AFDN: variants seen among roughly 807,000 people sequenced by gnomAD.
AFDN encodes the protein afadin.
Under a neutral mutation model 216.6 loss-of-function variants are expected in AFDN, and 68 were observed. That is an observed-to-expected ratio of 0.31 (90% confidence interval 0.26 to 0.38). AFDN has a LOEUF of 0.38. Among genes scored for constraint, AFDN ranks in the 10% least tolerant of loss-of-function variants. AFDN has a pLI of 1.00. For synonymous variants in AFDN, 868 were observed against 853.7 expected (o/e 1.02, Z -0.29); for missense variants, 2,136 against 2,342.0 (o/e 0.91, Z 1.82).
chr6:167,921,393 T>G lies in AFDN; in HGVS notation c.2909-1463T>G, dbSNP rs1305108210. Among the ~76,000 whole-genome samples, 18 of 152,268 alleles carry G rather than the reference T, an allele frequency of 1.2e-4. 1 individual carries two copies. The highest frequency in any genetic ancestry group is 1.2e-3 in the Admixed American group (18 of 15,288). ...GATGATCATTGTACACGTAGCTTAGTACACAGATGCCTTTAGAAGACTTAC... is the reference window on the plus strand; with the variant it reads ...GATGATCATTGTACACGTAGCTTAGGACACAGATGCCTTTAGAAGACTTAC... On this transcript the variant is annotated intron_variant, in intron 21 of 33. Coordinates refer to ENST00000683244, the MANE Select transcript of AFDN (RefSeq NM_001386888.1).
At position 167,969,716 on chromosome 6, in the gene AFDN, G is replaced by C. The variant is rs918666946; in HGVS notation, c.5343-66G>C. 5 of 1,470,990 alleles carry C rather than the reference G, an allele frequency of 3.4e-6. No individual in the cohort carries two copies. The South Asian group carries it at 6.5e-5, about 19-fold the overall frequency. 91.1% of individuals were successfully genotyped at this position (1,470,990 alleles called of 1,614,324 possible). A position where few individuals can be genotyped will look rare whatever the true frequency, so the allele number is the denominator to read the frequency against. Reference sequence around the variant, plus strand: ...AATTTTAATCGCCCATTTTGCAAACGTGTGTAATTGTTGACAGGTTGTTTC... The same window carrying C: ...AATTTTAATCGCCCATTTTGCAAACCTGTGTAATTGTTGACAGGTTGTTTC... On this transcript the variant is annotated intron_variant, in intron 33 of 33. Transcript: ENST00000683244.
At chr6:167,867,842 G>T (rs955970748) in intron 2 of AFDN, among the ~76,000 whole-genome samples, 2 of 152,174 alleles carry the variant, frequency 1.3e-5, no homozygotes, top group African/African-American at 4.8e-5. Flanking sequence ...TAGTAGTACT[G>T]TCAATATCAT....
At chr6:167,923,087 G>T (rs1792034977) in intron 22 of AFDN, 128 bp downstream of exon 22, 9 of 593,642 alleles carry the variant, frequency 1.5e-5, no homozygotes, top group Admixed American at 7.1e-5. Flanking sequence ...GTTAAATACT[G>T]ATATTCAGAA....
chr6:167,857,681 G>C (rs2300086), intron 1 of AFDN, among the ~76,000 whole-genome samples: 82,618 of 151,774 alleles, frequency 0.54, 23,326 homozygotes, highest in African/African-American at 0.64. Context: ...TTATTATACT[G>C]ATTACTTCAA....
intron 15 of AFDN, chr6:167,911,929 TC>T (rs1481887705): frequency 5.6e-6 from 1 of 179,068 alleles, no homozygotes; most frequent in East Asian, 1.4e-4. Flanking sequence ...CTCAAGTAGT[TC>T]CTGGGGTTTT....
In AFDN at chr6:167,896,963, C is replaced by T; in HGVS notation, c.1308C>T (p.Asn436=). The T allele has an allele frequency of 3.1e-6, 5 of 1,606,602 alleles. No homozygotes were observed. Among genetic ancestry groups the T allele is most frequent in the Non-Finnish European group, 4.3e-6 (5 of 1,173,276 alleles). Residue 436 remains asparagine (N), a synonymous_variant, in exon 10 of 34, where the codon AAC becomes AAT. Transcript: ENST00000683244. ...TEVGTEKLDD[N]SIQLFGPGIQ... is the part of the protein sequence containing the mutation. ...TTGGGACAGAAAAGTTGGATGACAA[C>T]TCTATCCAGGTACGTAGTCTGAGCT...
rs1562729253 is a variant in AFDN, at chr6:167,948,496, C to G, written c.3831+18C>G. 6.2e-6 allele frequency: 10 copies of G among 1,608,044 alleles called. No homozygotes were observed. The East Asian group carries it at 1.6e-4, about 25-fold the overall frequency. Reference sequence around the variant, plus strand: ...CAATTCAGGTTAGAAATCAAAGATTCCACACACTTTTCTCACCTCTCAAGG... The same window carrying G: ...CAATTCAGGTTAGAAATCAAAGATTGCACACACTTTTCTCACCTCTCAAGG... On this transcript the variant is annotated intron_variant, in intron 29 of 33. Transcript: ENST00000683244.
intron 1 of AFDN, among the ~76,000 whole-genome samples, chr6:167,853,801 T>C (rs1167462305): frequency 6.6e-6 from 1 of 152,108 alleles, no homozygotes; most frequent in Non-Finnish European, 1.5e-5. Context: ...CATATCACAG[T>C]ATAAAGAGTT....
intron 23 of AFDN, among the ~76,000 whole-genome samples, chr6:167,937,578 T>C (rs1794164934): frequency 1.7e-5 from 1 of 57,208 alleles, no homozygotes; most frequent in Admixed American, 2.3e-4. Flanking sequence ...GAAAACCTCC[T>C]TTTGTGACAA....
chr6:167,837,446 G>T (rs1313711103), intron 1 of AFDN, among the ~76,000 whole-genome samples: 1 of 148,320 alleles, frequency 6.7e-6, no homozygotes, highest in Non-Finnish European at 1.5e-5. Context: ...ATGTTTAGCT[G>T]TATCTGCTTA....
At chr6:167,891,131 C>A in intron 8 of AFDN, 102 bp downstream of exon 8, 1 of 956,528 alleles carries the variant, frequency 1.0e-6, no homozygotes, top group Non-Finnish European at 1.4e-6. Flanking sequence ...TGTTGGCTGA[C>A]TTAACATTTT....
chr6:167,945,206 C>T lies in AFDN; in HGVS notation c.3358+1147C>T, dbSNP rs551493712. ...CTTTTCATCTTTTTGGTTAAAATCT[C>T]GTACATAAGCACACACATTAGCTTC... On this transcript the variant is annotated intron_variant, in intron 26 of 33. Coordinates refer to ENST00000683244, the MANE Select transcript of AFDN (RefSeq NM_001386888.1). 2.2e-4 allele frequency among the ~76,000 whole-genome samples: 33 copies of T among 151,502 alleles called. No homozygotes were observed. The South Asian group carries it at 4.8e-3, about 22-fold the overall frequency.
At chr6:167,908,916 C>T (rs1047387939) in intron 13 of AFDN, among the ~76,000 whole-genome samples, 2 of 152,008 alleles carry the variant, frequency 1.3e-5, no homozygotes, top group African/African-American at 4.8e-5. Flanking sequence ...AAAATTTAAA[C>T]GTGTTTAAAA....
intron 21 of AFDN, 48 bp downstream of exon 21, chr6:167,918,981 C>T (rs773569339): frequency 9.3e-6 from 14 of 1,507,968 alleles, no homozygotes; most frequent in African/African-American, 1.4e-5. Flanking sequence ...CAGGTTGAAG[C>T]GAGCATTTTA....
At chr6:167,945,350 G>T (rs887098773) in intron 26 of AFDN, among the ~76,000 whole-genome samples, 1 of 152,142 alleles carries the variant, frequency 6.6e-6, no homozygotes, top group South Asian at 2.1e-4. Flanking sequence ...TGGTGACAAT[G>T]CCTTTTTCTG....
intron 23 of AFDN, among the ~76,000 whole-genome samples, chr6:167,940,274 T>G (rs1259491746): frequency 8.5e-6 from 1 of 117,010 alleles, no homozygotes; most frequent in African/African-American, 3.4e-5. Flanking sequence ...CAGAGGGATG[T>G]AGGGGTGAGG....
intron 21 of AFDN, 148 bp from the exon 22 acceptor site, chr6:167,922,708 G>A: frequency 1.9e-6 from 1 of 518,602 alleles, no homozygotes; most frequent in Non-Finnish European, 3.4e-6. Context: ...TAAATGTCTG[G>A]TAATTCAGTT....
At chr6:167,871,995 C>T (rs574866198) in intron 3 of AFDN, among the ~76,000 whole-genome samples, 1 of 152,294 alleles carries the variant, frequency 6.6e-6, no homozygotes, top group South Asian at 2.1e-4. Flanking sequence ...GTGAGATGCA[C>T]AGATCTTGAG....
rs1340925174 is a variant in AFDN, at chr6:167,948,168, TCAAA to T, written c.3646-122_3646-119del. On this transcript the variant is annotated intron_variant, in intron 28 of 33. Transcript: ENST00000683244. ...AAATGTTATTTATTCTCAGTATGGA[TCAAA>T]CACTTTTTAATGCAGTATTTAACAT... 22 of 885,366 alleles carry T rather than the reference TCAAA, an allele frequency of 2.5e-5. No homozygotes were observed. The East Asian group carries it at 2.9e-4, about 12-fold the overall frequency. The allele number at this position is 885,366 out of a possible 1,614,324, so 54.8% of individuals were successfully genotyped here.
Sources: gnomAD v4.1 joint callset for allele counts (sites outside exome capture counted in the v4.1 genomes callset) on GRCh38, gnomAD v4.1.1 for gene constraint, MANE v1.5 for transcripts, NCBI Gene and HGNC (gene_info 2026-07-23, HGNC 2026-07-21) for gene names.